The following MXI1 variants were observed in gnomAD, a reference collection of about 807,000 sequenced individuals.
MXI1 encodes the protein max-interacting protein 1.
In MXI1, 18 loss-of-function variants were observed where a neutral mutation model predicts 36.9. The ratio of observed to expected loss-of-function variants is 0.49; its 90% CI spans 0.34 to 0.72. The LOEUF is 0.72. Among genes scored for constraint, MXI1 ranks in the 30% least tolerant of loss-of-function variants. MXI1 has a pLI of 0.01. For synonymous variants in MXI1, 160 were observed against 146.7 expected (o/e 1.09, Z -0.65); for missense variants, 304 against 379.1 (o/e 0.80, Z 1.64).
intron 3 of MXI1, among the ~76,000 whole-genome samples, chr10:110,272,732 C>T (rs1186733489): frequency 6.6e-6 from 1 of 151,266 alleles, no homozygotes; most frequent in African/African-American, 2.4e-5. Flanking sequence ...GAATTTGCAG[C>T]TTTATTATAC....
intron 1 of MXI1, among the ~76,000 whole-genome samples, chr10:110,210,039 C>T (rs1466268433): frequency 2.2e-5 from 3 of 135,366 alleles, no homozygotes; most frequent in South Asian, 5.5e-4. Context: ...CTGCCCCACC[C>T]CCCACCCCCC....
rs1398242741 is a variant in MXI1 at position 110,261,197 on chromosome 10, T to A, written c.437+16340T>A. ...AACCATTTAGACAATAAAAGTAGCT[T>A]TTAAATAATGTCCTCACTGCTTTGA... On this transcript the variant is annotated intron_variant, in intron 3 of 5. Transcript: ENST00000332674. The A allele has an allele frequency of 7.7e-6, 7 of 912,658 alleles. No individual in the cohort carries two copies. The African/African-American group carries it at 1.3e-4, about 16-fold the overall frequency. 56.5% of individuals were successfully genotyped at this position (912,658 alleles called of 1,614,324 possible). A position where few individuals can be genotyped will look rare whatever the true frequency, so the allele number is the denominator to read the frequency against.
At chr10:110,246,630 G>A (rs531802348) in intron 3 of MXI1, among the ~76,000 whole-genome samples, 1 of 152,232 alleles carries the variant, frequency 6.6e-6, no homozygotes, top group East Asian at 1.9e-4. Context: ...TGCCCCAAAT[G>A]CAAAGATACT....
chr10:110,249,101 CAAAG>C (rs1407031212), intron 3 of MXI1, among the ~76,000 whole-genome samples: 1 of 152,168 alleles, frequency 6.6e-6, no homozygotes, highest in South Asian at 2.1e-4. Context: ...ACGTGTTAAA[CAAAG>C]AAAAGTTATT....
chr10:110,268,074 T>G (rs1379139434), intron 3 of MXI1, among the ~76,000 whole-genome samples: 1 of 152,168 alleles, frequency 6.6e-6, no homozygotes, highest in Non-Finnish European at 1.5e-5. Context: ...GTCAATATGT[T>G]CTTGCTGTTG....
intron 2 of MXI1, among the ~76,000 whole-genome samples, chr10:110,233,421 A>G (rs1855342381): frequency 6.6e-6 from 1 of 152,024 alleles, no homozygotes; most frequent in African/African-American, 2.4e-5. Flanking sequence ...GTAATTTGAG[A>G]TGCTTTATCT....
intron 3 of MXI1, among the ~76,000 whole-genome samples, chr10:110,264,217 G>A (rs1287135215): frequency 1.3e-5 from 2 of 152,056 alleles, no homozygotes; most frequent in African/African-American, 4.8e-5. Context: ...TTATTAAAAA[G>A]AAAGTAATTT....
chr10:110,276,839 T>C (rs1187705239), intron 3 of MXI1, among the ~76,000 whole-genome samples: 1 of 151,410 alleles, frequency 6.6e-6, no homozygotes, highest in Non-Finnish European at 1.5e-5. Context: ...CTTTCTTTTC[T>C]TTTCTTTTTT....
intron 1 of MXI1, among the ~76,000 whole-genome samples, chr10:110,218,256 C>T (rs1854706542): frequency 6.6e-6 from 1 of 152,074 alleles, no homozygotes; most frequent in African/African-American, 2.4e-5. Flanking sequence ...CGAGACCATT[C>T]TGGCTAACAC....
chr10:110,215,043 G>GTTTTTT (rs200181611), intron 1 of MXI1, among the ~76,000 whole-genome samples: 2 of 78,906 alleles, frequency 2.5e-5, no homozygotes, highest in Non-Finnish European at 4.7e-5. Context: ...TTTTTTTTTT[G>GTTTTTT]TTTTTTTTTT....
At chr10:110,236,436 G>C (rs963015970) in intron 2 of MXI1, among the ~76,000 whole-genome samples, 5 of 151,738 alleles carry the variant, frequency 3.3e-5, no homozygotes, top group African/African-American at 1.2e-4. Flanking sequence ...GGCTATTCTA[G>C]GTCTTTTGCA....
intron 2 of MXI1, among the ~76,000 whole-genome samples, chr10:110,243,452 C>G (rs942159607): frequency 6.6e-6 from 1 of 151,980 alleles, no homozygotes; most frequent in African/African-American, 2.4e-5. Context: ...AAAAGTTACA[C>G]AAATTATGAG....
In MXI1 at chr10:110,228,206, G is replaced by C; in HGVS notation, c.292G>C (p.Ala98Pro). 6.2e-7 allele frequency: 1 copy of C among 1,613,906 alleles called. No homozygotes were observed. The highest frequency in any genetic ancestry group is 1.3e-5 in the African/African-American group (1 of 74,962). Residue 98 changes from alanine (A) to proline (P), a missense_variant, in exon 2 of 6, where the codon GCC (alanine) becomes CCC (proline). Coordinates refer to ENST00000332674, the MANE Select transcript of MXI1 (RefSeq NM_130439.3). ...KENKKCEHGYASSFPSMPSPR... is the reference protein window; with the variant it reads ...KENKKCEHGYPSSFPSMPSPR... ...TTCTTCAGAGTGTGAACATGGCTAC[G>C]CCTCTTCATTCCCGTCCATGCCGAG...
At chr10:110,211,788 TC>T (rs1267855126) in intron 1 of MXI1, among the ~76,000 whole-genome samples, 1 of 152,180 alleles carries the variant, frequency 6.6e-6, no homozygotes, top group Non-Finnish European at 1.5e-5. Flanking sequence ...AGGTACATTC[TC>T]CCAAAACTCC....
At chr10:110,284,737 T>G (rs1405024808) in intron 5 of MXI1, 87 bp from the exon 6 acceptor site, 2 of 1,197,962 alleles carry the variant, frequency 1.7e-6, no homozygotes, top group Non-Finnish European at 2.3e-6. Flanking sequence ...TAACATTTCT[T>G]ATACCTCTTT....
chr10:110,283,577 T>C (rs941650509), intron 5 of MXI1, among the ~76,000 whole-genome samples: 1 of 151,596 alleles, frequency 6.6e-6, no homozygotes, highest in Non-Finnish European at 1.5e-5. Context: ...TTTAAAGCAG[T>C]TGTGATTAGT....
chr10:110,211,663 A>G (rs2134322594), intron 1 of MXI1, among the ~76,000 whole-genome samples: 1 of 152,318 alleles, frequency 6.6e-6, no homozygotes, highest in African/African-American at 2.4e-5. Context: ...TTGTGGCCAC[A>G]TGGCTGAATT....
intron 3 of MXI1, among the ~76,000 whole-genome samples, chr10:110,263,169 C>A (rs1856575425): frequency 6.6e-6 from 1 of 152,114 alleles, no homozygotes; most frequent in Admixed American, 6.5e-5. Flanking sequence ...TTGACTTTGG[C>A]CAAGTCAAAT....
chr10:110,237,383 G>C (rs936073156), intron 2 of MXI1, among the ~76,000 whole-genome samples: 39 of 152,222 alleles, frequency 2.6e-4, no homozygotes, highest in African/African-American at 8.7e-4. Flanking sequence ...TTTGCTAAGA[G>C]TTTTTATCAT....
Sources: gnomAD v4.1 joint callset for allele counts (sites outside exome capture counted in the v4.1 genomes callset) on GRCh38, gnomAD v4.1.1 for gene constraint, MANE v1.5 for transcripts, NCBI Gene and HGNC (gene_info 2026-07-23, HGNC 2026-07-21) for gene names.